Variants in ZNF76 observed in about 807,000 individuals in gnomAD.
ZNF76 encodes the protein zinc finger protein 76, also known as zinc finger protein 523.
ZNF76 carries 66 observed loss-of-function variants against 66.9 expected under a neutral mutation model. The ratio of observed to expected loss-of-function variants is 0.99; its 90% CI spans 0.81 to 1.21. The LOEUF (loss-of-function observed/expected upper bound fraction) is 1.21, where lower values mean the gene tolerates loss of function less well. Ranked by LOEUF, ZNF76 falls within the 50% of genes most tolerant of loss-of-function variation. The pLI is 0.00. For missense variants in ZNF76, 729 were observed against 760.3 expected (o/e 0.96, Z 0.48); for synonymous variants, 275 against 296.1 (o/e 0.93, Z 0.73).
chr6:35,295,448 G>A lies in ZNF76; in HGVS notation c.*200G>A. 1.6e-6 allele frequency: 1 copy of A among 621,534 alleles called. No homozygotes were observed. The highest frequency in any genetic ancestry group is 1.7e-5 in the South Asian group (1 of 58,542). The allele number at this position is 621,534 out of a possible 1,614,324, so 38.5% of individuals were successfully genotyped here. ...AGGGGGCCAGGCAGCTGGAATCAGG[G>A]GAGTGCATCATCCTCGGGAGCTGAC... On this transcript the variant is annotated 3_prime_UTR_variant, in exon 14 of 14. Coordinates refer to ENST00000373953, the MANE Select transcript of ZNF76 (RefSeq NM_003427.5).
intron 1 of ZNF76, among the ~76,000 whole-genome samples, chr6:35,273,859 A>G (rs1787506204): frequency 2.6e-5 from 2 of 78,348 alleles, no homozygotes; most frequent in African/African-American, 5.5e-5. Context: ...TCTTTTAAAA[A>G]GAAGAAAAAA....
chr6:35,291,285 A>C lies in ZNF76; in HGVS notation c.633A>C (p.Gly211=). ...SCGKAFATGY[G]LKSHVRTHTG... ...CCTGCCACATATGGACAGGCTATGG[A>C]CTGAAGAGCCACGTTCGTACCCACA... The change falls in exon 8 of 14, where the codon GGA becomes GGC. Residue 211 remains glycine (G), a synonymous_variant. Coordinates refer to ENST00000373953, the MANE Select transcript of ZNF76 (RefSeq NM_003427.5). 6.2e-7 allele frequency: 1 copy of C among 1,609,468 alleles called. No individual in the cohort carries two copies. Among genetic ancestry groups the C allele is most frequent in the Non-Finnish European group, 8.5e-7 (1 of 1,177,750 alleles).
Position 35,292,527 on chromosome 6 carries a change from A to C in ZNF76, c.932-27A>C, listed in dbSNP as rs1168146060. ...TTCCCCCTTGCCAGCCCCAGTTCCC[A>C]CCCCCCTCACAGCCCAGTGTCCCCA... On this transcript the variant is annotated intron_variant, in intron 9 of 13. Transcript: ENST00000373953. This position sits in a 1 kb window ranked among gnomAD's most constrained non-coding sequence, Gnocchi z 4.7. The C allele has an allele frequency of 1.7e-4, 255 of 1,540,072 alleles. No individual in the cohort carries two copies. Among genetic ancestry groups the C allele is most frequent in the African/African-American group, 5.6e-4 (36 of 64,466 alleles).
In ZNF76 at chr6:35,281,062, G is replaced by T; in HGVS notation, c.-90G>T. ...ATACTGTTTATTTTCTTAGATTTGT[G>T]ACCCAGAAGGAAATCTCTGACCTCA... is the stretch of plus-strand genomic sequence containing the variant. On this transcript the variant is annotated 5_prime_UTR_variant, in exon 2 of 14. It removes the in-frame stop codon of an upstream open reading frame in the 5' UTR. Transcript: ENST00000373953. 2 of 1,233,184 alleles carry T rather than the reference G, an allele frequency of 1.6e-6. No individual in the cohort carries two copies. The highest frequency in any genetic ancestry group is 2.4e-5 in the South Asian group (2 of 83,432). 76.4% of individuals were successfully genotyped at this position (1,233,184 alleles called of 1,614,324 possible).
chr6:35,276,803 T>A (rs1262862468), intron 1 of ZNF76, among the ~76,000 whole-genome samples: 2 of 148,170 alleles, frequency 1.3e-5, no homozygotes, highest in Middle Eastern at 3.4e-3. Context: ...TTTTTTTTTT[T>A]TTTTTTTTTG....
intron 1 of ZNF76, among the ~76,000 whole-genome samples, chr6:35,272,618 A>G (rs1435562214): frequency 6.6e-6 from 1 of 152,190 alleles, no homozygotes; most frequent in Non-Finnish European, 1.5e-5. Context: ...GCCAGCATGA[A>G]TTAGAAAAGA....
chr6:35,267,452 G>C (rs899403050), intron 1 of ZNF76, among the ~76,000 whole-genome samples: 2 of 152,166 alleles, frequency 1.3e-5, no homozygotes, highest in African/African-American at 4.8e-5. Context: ...CCTATTGTGG[G>C]AGTTGATGAA....
rs559945979 is a variant in ZNF76 at position 35,292,152 on chromosome 6, T to A, written c.932-402T>A. On this transcript the variant is annotated intron_variant, in intron 9 of 13. Coordinates refer to ENST00000373953, the MANE Select transcript of ZNF76 (RefSeq NM_003427.5). The surrounding 1 kb of genome is among the most constrained non-coding windows in gnomAD (Gnocchi z 4.7). ...ACCCTCCCCAGTGTTATGCCCCTCATCCAGCTTTCTGTGTTGTGTCTCAGC... is the reference window on the plus strand; with the variant it reads ...ACCCTCCCCAGTGTTATGCCCCTCAACCAGCTTTCTGTGTTGTGTCTCAGC... 37 of 400,412 alleles carry A rather than the reference T, an allele frequency of 9.2e-5. No homozygotes were observed. The highest frequency in any genetic ancestry group is 5.3e-4 in the African/African-American group (26 of 49,382). 24.8% of individuals were successfully genotyped at this position (400,412 alleles called of 1,614,324 possible).
intron 2 of ZNF76, among the ~76,000 whole-genome samples, chr6:35,284,502 G>A (rs1789258154): frequency 6.6e-6 from 1 of 151,710 alleles, no homozygotes; most frequent in Non-Finnish European, 1.5e-5. Flanking sequence ...GGGTTCAAGT[G>A]ATTCTCCTGC....
At chr6:35,280,492 G>T (rs553955945) in intron 1 of ZNF76, among the ~76,000 whole-genome samples, 2 of 149,832 alleles carry the variant, frequency 1.3e-5, no homozygotes, top group South Asian at 2.1e-4. Context: ...GGACTTTTAA[G>T]GGAAAAGGAG....
At chr6:35,272,806 A>G (rs1787296885) in intron 1 of ZNF76, among the ~76,000 whole-genome samples, 1 of 151,968 alleles carries the variant, frequency 6.6e-6, no homozygotes, top group African/African-American at 2.4e-5. Context: ...CCTGGCAATT[A>G]TTTTTGTAGA....
At chr6:35,290,942 C>G (rs1473923910) in intron 7 of ZNF76, 1 of 603,732 alleles carries the variant, frequency 1.7e-6, no homozygotes, top group East Asian at 2.8e-5. Context: ...GAGACCCAGC[C>G]TCTTGTGTCA....
rs923562950 is a variant in ZNF76 at position 35,291,924 on chromosome 6, G to T, written c.931+187G>T. 4.9e-5 allele frequency: 33 copies of T among 676,694 alleles called. 1 individual carries two copies. The East Asian group carries it at 5.2e-4, about 11-fold the overall frequency. 41.9% of individuals were successfully genotyped at this position (676,694 alleles called of 1,614,324 possible). A position where few individuals can be genotyped will look rare whatever the true frequency, so the allele number is the denominator to read the frequency against. On this transcript the variant is annotated intron_variant, in intron 9 of 13. Transcript: ENST00000373953. ...GCAGTGAGTAATTCCTCAATTTCCA[G>T]TTAGGTCCAATCTGAAAGGTATTGC...
chr6:35,284,357 G>A (rs1384964016), intron 2 of ZNF76, among the ~76,000 whole-genome samples: 1 of 151,866 alleles, frequency 6.6e-6, no homozygotes, highest in Non-Finnish European at 1.5e-5. Flanking sequence ...GCCTCCCAAA[G>A]TGCTGGGATT....
intron 9 of ZNF76, chr6:35,291,951 A>C (rs1163510817): frequency 3.2e-6 from 2 of 622,030 alleles, no homozygotes; most frequent in South Asian, 1.9e-5. Context: ...AGGTATTGCC[A>C]GTCCTCTCTG....
intron 1 of ZNF76, among the ~76,000 whole-genome samples, chr6:35,263,410 A>G (rs893625252): frequency 6.6e-6 from 1 of 152,208 alleles, no homozygotes; most frequent in Non-Finnish European, 1.5e-5. Context: ...AGCCCTGGGA[A>G]AACTTGATAA....
At position 35,293,030 on chromosome 6, in the gene ZNF76, G is replaced by T. The variant is rs771782628; in HGVS notation, c.1315G>T (p.Asp439Tyr). Residue 439 changes from aspartate (D) to tyrosine (Y), a missense_variant, in exon 11 of 14, where the codon GAT (aspartate) becomes TAT (tyrosine). Asp to Tyr is a radical substitution (Grantham distance 160). Transcript: ENST00000373953. ...GAPQVALITQ[D>Y]GAQQVSLSPE... ...CCCCCAGGTGGCTCTGATCACTCAGGATGGTGCCCAGCAGGTACAGGCCCT... is the reference window on the plus strand; with the variant it reads ...CCCCCAGGTGGCTCTGATCACTCAGTATGGTGCCCAGCAGGTACAGGCCCT... 2.5e-6 allele frequency: 4 copies of T among 1,614,084 alleles called. No individual in the cohort carries two copies. In the South Asian group the frequency reaches 4.4e-5, roughly 18 times the overall value.
intron 6 of ZNF76, 105 bp downstream of exon 6, chr6:35,290,487 G>C: frequency 6.4e-7 from 1 of 1,554,086 alleles, no homozygotes; most frequent in Non-Finnish European, 8.8e-7. Context: ...CACGTTGCTG[G>C]AGGGAAGAAA....
chr6:35,275,837 C>T (rs1460722132), intron 1 of ZNF76, among the ~76,000 whole-genome samples: 1 of 151,994 alleles, frequency 6.6e-6, no homozygotes, highest in Non-Finnish European at 1.5e-5. Context: ...TTTTCCATTG[C>T]GGGTAGGCCA....
Sources: gnomAD v4.1 joint callset for allele counts (sites outside exome capture counted in the v4.1 genomes callset) on GRCh38, gnomAD v4.1.1 for gene constraint, Gnocchi (gnomAD v3.1) non-coding constraint, MANE v1.5 for transcripts, NCBI Gene and HGNC (gene_info 2026-07-23, HGNC 2026-07-21) for gene names.